Variants in ADAM23 observed in about 807,000 individuals in gnomAD.
ADAM23 encodes ADAM metallopeptidase domain 23.
Under a neutral mutation model 120.1 loss-of-function variants are expected in ADAM23, and 33 were observed. The observed-to-expected ratio is 0.27, with a 90% CI of 0.21 to 0.37. ADAM23 has a LOEUF of 0.37. Among genes scored for constraint, ADAM23 ranks in the 10% least tolerant of loss-of-function variants. The pLI, the probability that ADAM23 is intolerant of heterozygous loss-of-function variation, is 1.00. For missense variants in ADAM23, 862 were observed against 1,058.2 expected (o/e 0.81, Z 2.57); for synonymous variants, 367 against 375.2 (o/e 0.98, Z 0.25).
chr2:206,483,353 T>G (rs532790742), intron 3 of ADAM23, among the ~76,000 whole-genome samples: 7 of 152,074 alleles, frequency 4.6e-5, no homozygotes, highest in African/African-American at 1.7e-4. Context: ...ACATGATAGA[T>G]TTGAGGGGCT....
chr2:206,444,059 T>C lies in ADAM23; in HGVS notation c.193T>C (p.Trp65Arg). The C allele has an allele frequency of 1.4e-6, 2 of 1,386,928 alleles. No individual in the cohort carries two copies. The highest frequency in any genetic ancestry group is 9.4e-7 in the Non-Finnish European group (1 of 1,067,794). The allele number at this position is 1,386,928 out of a possible 1,614,324, so 85.9% of individuals were successfully genotyped here. The change falls in exon 1 of 26, where the codon TGG becomes CGG. Residue 65 changes from tryptophan (W) to arginine (R), a missense_variant. This residue lies in a region of ADAM23 where 225 missense variants were observed against 204.0 expected (regional missense o/e 1.10). Transcript: ENST00000264377. The stretch of plus-strand genomic sequence containing the variant: ...CGCCGCCTCGTCCCGGCCCCGCGCC[T>C]GGGGGGCTGCTGCGCCCAGCGGTGG... ...PLAASSRPRAWGAAAPSAPHW... is the reference protein window; with the variant it reads ...PLAASSRPRARGAAAPSAPHW...
Position 206,443,556 on chromosome 2 carries a change from C to A in ADAM23, c.-311C>A, listed in dbSNP as rs913569122. ...CATCCTCAGGCCCGGCGGCAGCCCC[C>A]GCAGTCGCTGAAGCGGCCGCGCCCG... On this transcript the variant is annotated 5_prime_UTR_variant, in exon 1 of 26. Coordinates refer to ENST00000264377, the MANE Select transcript of ADAM23 (RefSeq NM_003812.4). The A allele has an allele frequency of 6.8e-6, 1 of 147,922 alleles. No individual in the cohort carries two copies. The highest frequency in any genetic ancestry group is 1.5e-5 in the Non-Finnish European group (1 of 66,446). 9.2% of individuals were successfully genotyped at this position (147,922 alleles called of 1,614,324 possible).
intron 3 of ADAM23, among the ~76,000 whole-genome samples, chr2:206,482,208 C>T (rs1695911969): frequency 6.6e-6 from 1 of 152,166 alleles, no homozygotes; most frequent in African/African-American, 2.4e-5. Flanking sequence ...AATGCAAAGT[C>T]AGCTTGGGTG....
At chr2:206,512,463 G>A (rs1696642686) in intron 3 of ADAM23, among the ~76,000 whole-genome samples, 1 of 152,172 alleles carries the variant, frequency 6.6e-6, no homozygotes, top group South Asian at 2.1e-4. Flanking sequence ...AGGCTATTGA[G>A]TGCCGTTACA....
chr2:206,444,279 C>G (rs1411502243), intron 1 of ADAM23, among the ~76,000 whole-genome samples, 199 bp downstream of exon 1: 1 of 152,190 alleles, frequency 6.6e-6, no homozygotes, highest in Non-Finnish European at 1.5e-5. Context: ...CTGTTGCATT[C>G]GCGAAAAACC....
chr2:206,444,128 G>C, intron 1 of ADAM23, 48 bp downstream of exon 1: 1 of 1,232,414 alleles, frequency 8.1e-7, no homozygotes, highest in Middle Eastern at 3.0e-4. Context: ...GCGGGGCCCT[G>C]CAGAGGAAAG....
At chr2:206,601,952 AT>A (rs1385740457) in intron 24 of ADAM23, among the ~76,000 whole-genome samples, 1 of 152,120 alleles carries the variant, frequency 6.6e-6, no homozygotes, top group Non-Finnish European at 1.5e-5. Flanking sequence ...ATCATTTAGT[AT>A]TTTTAAAATA....
intron 2 of ADAM23, among the ~76,000 whole-genome samples, chr2:206,466,657 A>T (rs1343169106): frequency 6.6e-6 from 1 of 152,236 alleles, no homozygotes; most frequent in African/African-American, 2.4e-5. Context: ...ATTAAAGGAT[A>T]TATCTTTAAT....
intron 3 of ADAM23, among the ~76,000 whole-genome samples, chr2:206,490,325 C>G (rs1428696754): frequency 6.6e-6 from 1 of 152,198 alleles, no homozygotes; most frequent in Non-Finnish European, 1.5e-5. Context: ...TTGTGGCATC[C>G]TTAGCAAACT....
chr2:206,537,834 A>G (rs1697210499), intron 4 of ADAM23, among the ~76,000 whole-genome samples: 1 of 152,210 alleles, frequency 6.6e-6, no homozygotes, highest in Non-Finnish European at 1.5e-5. Context: ...TTACCACTGC[A>G]TAAATAATAA....
chr2:206,545,226 G>A (rs1413015362), intron 6 of ADAM23, among the ~76,000 whole-genome samples: 1 of 152,124 alleles, frequency 6.6e-6, no homozygotes, highest in African/African-American at 2.4e-5. Flanking sequence ...GGTAGCTCAC[G>A]CCTATAATCC....
At chr2:206,550,002 T>G (rs1298545954) in intron 8 of ADAM23, 93 bp from the exon 9 acceptor site, 2 of 711,606 alleles carry the variant, frequency 2.8e-6, no homozygotes, top group East Asian at 6.2e-5. Context: ...AGAGTTGTTC[T>G]GAAATTCAAA....
At chr2:206,594,174 A>G (rs2105850605) in intron 22 of ADAM23, among the ~76,000 whole-genome samples, 1 of 152,174 alleles carries the variant, frequency 6.6e-6, no homozygotes, top group South Asian at 2.1e-4. Context: ...TTGCACAAAG[A>G]CAAAATTGAC....
At chr2:206,584,323 G>A (rs1698279230) in intron 18 of ADAM23, among the ~76,000 whole-genome samples, 1 of 152,194 alleles carries the variant, frequency 6.6e-6, no homozygotes. Flanking sequence ...ATCTATTTTT[G>A]TGCTGGTTGG....
At chr2:206,532,855 C>A (rs920411380) in intron 4 of ADAM23, among the ~76,000 whole-genome samples, 14 of 152,060 alleles carry the variant, frequency 9.2e-5, no homozygotes, top group Admixed American at 3.3e-4. Flanking sequence ...CAAGGGAAGG[C>A]CTTCCAGATA....
intron 2 of ADAM23, among the ~76,000 whole-genome samples, chr2:206,465,864 T>G (rs1042028936): frequency 9.9e-5 from 15 of 152,214 alleles, no homozygotes; most frequent in African/African-American, 3.4e-4. Flanking sequence ...AGAATCTTTT[T>G]GTTCCTGAAT....
chr2:206,454,285 A>AAG lies in ADAM23; in HGVS notation c.432+8775_432+8776dup, dbSNP rs374649084. Among the ~76,000 whole-genome samples, 176 of 151,478 alleles carry AAG rather than the reference A, an allele frequency of 1.2e-3. 1 individual carries two copies. Among genetic ancestry groups the AAG allele is most frequent in the Non-Finnish European group, 2.2e-4 (15 of 67,686 alleles). On this transcript the variant is annotated intron_variant, in intron 2 of 25. Transcript: ENST00000264377. ...CAAGTCTTACCATGGCATAGCAGGA[A>AAG]AGAGAGAGAGAGAGAAGTGCCATAC...
chr2:206,478,655 C>T (rs1695833648), intron 2 of ADAM23, among the ~76,000 whole-genome samples: 1 of 152,182 alleles, frequency 6.6e-6, no homozygotes, highest in African/African-American at 2.4e-5. Flanking sequence ...CTGATCATGT[C>T]ACGTGAAGCC....
intron 24 of ADAM23, among the ~76,000 whole-genome samples, chr2:206,598,945 C>T (rs1698583391): frequency 6.6e-6 from 1 of 150,532 alleles, no homozygotes; most frequent in Non-Finnish European, 1.5e-5. Context: ...TGGCTTACAC[C>T]TGTTATCCCA....
Sources: gnomAD v4.1 joint callset for allele counts (sites outside exome capture counted in the v4.1 genomes callset) on GRCh38, gnomAD v4.1.1 for gene constraint, gnomAD v4.1.1 regional missense constraint, MANE v1.5 for transcripts, NCBI Gene and HGNC (gene_info 2026-07-23, HGNC 2026-07-21) for gene names.